Variants in PSMD14 observed in about 807,000 individuals in gnomAD.
PSMD14 encodes the protein ubiquitin C-terminal hydrolase PSMD14.
PSMD14 carries 7 observed loss-of-function variants against 41.2 expected under a neutral mutation model. The observed-to-expected ratio is 0.17, with a 90% confidence interval of 0.10 to 0.32. The LOEUF (loss-of-function observed/expected upper bound fraction) is 0.32. Among genes scored for constraint, PSMD14 ranks in the 10% least tolerant of loss-of-function variants. The pLI, the probability that PSMD14 is intolerant of heterozygous loss-of-function variation, is 1.00. For synonymous variants in PSMD14, 114 were observed against 122.3 expected (o/e 0.93, Z 0.45); for missense variants, 139 against 375.6 (o/e 0.37, Z 5.21).
intron 3 of PSMD14, among the ~76,000 whole-genome samples, chr2:161,362,293 T>C (rs946623525): frequency 8.5e-5 from 13 of 152,230 alleles, no homozygotes; most frequent in Admixed American, 3.9e-4. Flanking sequence ...ACATCTGTAT[T>C]TTCCCCTACT....
chr2:161,346,170 A>G (rs1177562598), intron 3 of PSMD14, among the ~76,000 whole-genome samples: 2 of 152,204 alleles, frequency 1.3e-5, no homozygotes, highest in Admixed American at 1.3e-4. Context: ...GGCGTGAGCC[A>G]CCGTGCTCGG....
chr2:161,337,752 G>T (rs1451769339), intron 3 of PSMD14, among the ~76,000 whole-genome samples: 2 of 152,210 alleles, frequency 1.3e-5, no homozygotes, highest in East Asian at 3.8e-4. Context: ...TGCAGTAATT[G>T]AGATGATGTG....
chr2:161,335,609 C>T (rs115136953), intron 3 of PSMD14, among the ~76,000 whole-genome samples: 87 of 152,290 alleles, frequency 5.7e-4, no homozygotes, highest in African/African-American at 2.1e-3. Context: ...CCATGATTTA[C>T]TTAATTAGTG....
chr2:161,318,935 C>G, intron 3 of PSMD14, 62 bp downstream of exon 3: 1 of 1,348,768 alleles, frequency 7.4e-7, no homozygotes, highest in East Asian at 2.3e-5. Flanking sequence ...TTGTAGTTAG[C>G]CAAAGAGAAA....
Position 161,318,783 on chromosome 2 carries a change from T to A in PSMD14, c.-4-39T>A, listed in dbSNP as rs769104684. 1.9e-6 allele frequency: 3 copies of A among 1,544,172 alleles called. No homozygotes were observed. The Admixed American group carries it at 5.2e-5, about 27-fold the overall frequency. ...TAGATAGCAATTGAATAAACATTTT[T>A]GTGCTTAGGAACGTTTTTTCTTTGT... On this transcript the variant is annotated intron_variant, in intron 2 of 11. Coordinates refer to ENST00000409682, the MANE Select transcript of PSMD14 (RefSeq NM_005805.6).
chr2:161,403,783 C>T (rs1683912752), intron 10 of PSMD14, among the ~76,000 whole-genome samples: 1 of 152,108 alleles, frequency 6.6e-6, no homozygotes, highest in Non-Finnish European at 1.5e-5. Flanking sequence ...CATCCCCACT[C>T]CTTTTCATTC....
intron 9 of PSMD14, among the ~76,000 whole-genome samples, chr2:161,393,646 C>T (rs886893184): frequency 7.2e-5 from 11 of 152,102 alleles, no homozygotes; most frequent in African/African-American, 2.7e-4. Flanking sequence ...GCTCAGGGAT[C>T]TCATTTAAAG....
At chr2:161,346,392 G>A (rs1574124525) in intron 3 of PSMD14, among the ~76,000 whole-genome samples, 1 of 151,668 alleles carries the variant, frequency 6.6e-6, no homozygotes, top group South Asian at 2.1e-4. Context: ...TGTTTTCCAT[G>A]TGTCTCCTTA....
chr2:161,380,349 C>T (rs1683556821), intron 7 of PSMD14, among the ~76,000 whole-genome samples: 1 of 151,836 alleles, frequency 6.6e-6, no homozygotes, highest in African/African-American at 2.4e-5. Context: ...AATTCTTTTC[C>T]CAGTGTTTCA....
intron 10 of PSMD14, among the ~76,000 whole-genome samples, chr2:161,399,521 C>T (rs951943641): frequency 7.9e-5 from 12 of 151,732 alleles, no homozygotes; most frequent in African/African-American, 2.2e-4. Flanking sequence ...TCTTTAATGC[C>T]GATTTGTGAG....
chr2:161,308,726 G>A (rs1689053649), intron 1 of PSMD14, 122 bp downstream of exon 1: 1 of 152,378 alleles, frequency 6.6e-6, no homozygotes, highest in Admixed American at 6.5e-5. Context: ...TGGGCCGCGA[G>A]GGAGGAGCCC....
intron 6 of PSMD14, 96 bp from the exon 7 acceptor site, chr2:161,371,076 T>C: frequency 7.4e-7 from 1 of 1,356,280 alleles, no homozygotes; most frequent in East Asian, 2.4e-5. Flanking sequence ...TTTTCATCTC[T>C]TCTTAATTTA....
At chr2:161,313,248 C>G (rs1178533400) in intron 1 of PSMD14, among the ~76,000 whole-genome samples, 1 of 152,162 alleles carries the variant, frequency 6.6e-6, no homozygotes, top group Non-Finnish European at 1.5e-5. Context: ...CATTTACCAT[C>G]TAGGTCCAGT....
At chr2:161,379,887 G>A (rs761113827) in intron 7 of PSMD14, among the ~76,000 whole-genome samples, 9 of 152,034 alleles carry the variant, frequency 5.9e-5, no homozygotes, top group Non-Finnish European at 1.2e-4. Context: ...GGCAGGAATG[G>A]CTAGGTTCTA....
intron 7 of PSMD14, among the ~76,000 whole-genome samples, chr2:161,380,577 A>G (rs1483089796): frequency 1.3e-5 from 2 of 152,014 alleles, no homozygotes; most frequent in African/African-American, 4.8e-5. Context: ...ACAGTAAGCA[A>G]TTCTCCGAGG....
At chr2:161,314,977 A>G (rs528868817) in intron 1 of PSMD14, among the ~76,000 whole-genome samples, 1 of 152,172 alleles carries the variant, frequency 6.6e-6, no homozygotes, top group Admixed American at 6.5e-5. Context: ...TTTTTGAGGA[A>G]CTGCCAAACT....
chr2:161,373,293 A>G (rs1414626385), intron 7 of PSMD14, among the ~76,000 whole-genome samples: 1 of 151,850 alleles, frequency 6.6e-6, no homozygotes, highest in Admixed American at 6.6e-5. Flanking sequence ...TTAGGAAGAA[A>G]TCTTTTTGAA....
intron 3 of PSMD14, among the ~76,000 whole-genome samples, chr2:161,342,486 C>T (rs1165864407): frequency 1.3e-5 from 2 of 152,026 alleles, no homozygotes; most frequent in Non-Finnish European, 2.9e-5. Context: ...ATAATATAGG[C>T]GTTCAGCTTT....
At chr2:161,355,272 A>G (rs1370529072) in intron 3 of PSMD14, among the ~76,000 whole-genome samples, 1 of 152,158 alleles carries the variant, frequency 6.6e-6, no homozygotes, top group Non-Finnish European at 1.5e-5. Context: ...TTATTGATTT[A>G]TTATGCAAGG....
Sources: allele counts gnomAD v4.1 joint callset (sites outside exome capture counted in the v4.1 genomes callset), GRCh38; gene constraint gnomAD v4.1.1; transcripts MANE v1.5; gene names NCBI Gene and HGNC (gene_info 2026-07-23, HGNC 2026-07-21).